KIFC3: variants seen among roughly 807,000 people sequenced by gnomAD.
The protein encoded by KIFC3 is kinesin-like protein KIFC3.
Under a neutral mutation model 101.8 loss-of-function variants are expected in KIFC3, and 60 were observed. The ratio of observed to expected loss-of-function variants is 0.59; its 90% CI spans 0.48 to 0.73. KIFC3 has a LOEUF of 0.73. Among genes scored for constraint, KIFC3 ranks in the 30% least tolerant of loss-of-function variants. KIFC3 has a pLI of 0.00. For synonymous variants in KIFC3, 476 were observed against 482.7 expected, an observed-to-expected ratio of 0.99 and a Z score of 0.18; for missense variants, 966 against 1,137.1, an observed-to-expected ratio of 0.85 and a Z score of 2.16.
intron 1 of KIFC3, among the ~76,000 whole-genome samples, chr16:57,800,650 T>C (rs1339561046): frequency 6.6e-6 from 1 of 152,058 alleles, no homozygotes; most frequent in Non-Finnish European, 1.5e-5. Flanking sequence ...GTTTCTGCGG[T>C]TATCAGGAAG....
intron 17 of KIFC3, 146 bp from the exon 18 acceptor site, chr16:57,759,982 A>C (rs1226450612): frequency 1.6e-6 from 1 of 635,452 alleles, no homozygotes; most frequent in Non-Finnish European, 2.7e-6. Flanking sequence ...CCCCAGCCTC[A>C]GTTATGGCAA....
intron 1 of KIFC3, among the ~76,000 whole-genome samples, chr16:57,853,566 A>G (rs1222180776): frequency 2.0e-5 from 3 of 152,230 alleles, no homozygotes; most frequent in Non-Finnish European, 4.4e-5. Context: ...TAATCACATT[A>G]AGTGTAAATA....
Position 57,770,623 on chromosome 16 carries a change from G to T in KIFC3, c.843C>A (p.His281Gln). 1 of 1,550,068 alleles carries T rather than the reference G, an allele frequency of 6.5e-7. No individual in the cohort carries two copies. The highest frequency in any genetic ancestry group is 1.2e-5 in the South Asian group (1 of 83,158). The change falls in exon 7 of 20, where the codon CAC becomes CAA. Residue 281 changes from histidine (H) to glutamine (Q), a missense_variant. By Grantham distance (24) the His-to-Gln change is conservative. Around this residue, in one of 2 missense-constraint regions of KIFC3, gnomAD observed 689 missense variants for 884.6 expected, o/e 0.78. Transcript: ENST00000445690. Reference sequence around the variant, plus strand: ...TCTGCATAGCCACCTGCTCCTGCAGGTGCTGGTTCCGGGCCTGGGACTCGC... The same window carrying T: ...TCTGCATAGCCACCTGCTCCTGCAGTTGCTGGTTCCGGGCCTGGGACTCGC... ...ALSESQARNQHLQEQVAMQRQ... is the reference protein window; with the variant it reads ...ALSESQARNQQLQEQVAMQRQ...
chr16:57,844,833 G>C (rs1225589514), intron 1 of KIFC3, among the ~76,000 whole-genome samples: 1 of 152,170 alleles, frequency 6.6e-6, no homozygotes. Flanking sequence ...TTCCTAGACA[G>C]ACCCTGCAGC....
chr16:57,762,001 C>A, intron 13 of KIFC3, 139 bp downstream of exon 13: 3 of 1,101,176 alleles, frequency 2.7e-6, no homozygotes, highest in Non-Finnish European at 3.8e-6. Flanking sequence ...TCCAGCACCA[C>A]CCCTGAGGAT....
At chr16:57,808,387 G>C (rs1555627316) in intron 1 of KIFC3, among the ~76,000 whole-genome samples, 3 of 151,846 alleles carry the variant, frequency 2.0e-5, no homozygotes, top group East Asian at 3.9e-4. Flanking sequence ...GCTCCTCCTT[G>C]CTAAGTGTTC....
At chr16:57,840,800 G>T (rs1362000136) in intron 1 of KIFC3, among the ~76,000 whole-genome samples, 1 of 151,728 alleles carries the variant, frequency 6.6e-6, no homozygotes, top group Non-Finnish European at 1.5e-5. Context: ...CCTAGCACAG[G>T]TTCTCTCCCT....
At position 57,760,116 on chromosome 16, in the gene KIFC3, A is replaced by G. The variant is rs1163061339; in HGVS notation, c.2367+166T>C. 4.8e-6 allele frequency: 4 copies of G among 830,048 alleles called. No homozygotes were observed. In the East Asian group the frequency reaches 9.9e-5, roughly 21 times the overall value. 51.4% of individuals were successfully genotyped at this position (830,048 alleles called of 1,614,324 possible). A position where few individuals can be genotyped will look rare whatever the true frequency, so the allele number is the denominator to read the frequency against. ...TCCGAGGCCAAGAAGAAATACCTGTACTGAAGAGGCTGCTGGCTGTGGGTT... is the reference window on the plus strand; with the variant it reads ...TCCGAGGCCAAGAAGAAATACCTGTGCTGAAGAGGCTGCTGGCTGTGGGTT... On this transcript the variant is annotated intron_variant, in intron 17 of 19. Coordinates refer to ENST00000445690, the MANE Select transcript of KIFC3 (RefSeq NM_001130100.2).
chr16:57,760,409 G>T lies in KIFC3; in HGVS notation c.2240C>A (p.Pro747His). 1 of 1,613,654 alleles carries T rather than the reference G, an allele frequency of 6.2e-7. No individual in the cohort carries two copies. Reference sequence around the variant, plus strand: ...CGTCTCGCTAGTGTTCTTCTCCACGGGGGACACCTAGGGGACACGAGAGCT... The same window carrying T: ...CGTCTCGCTAGTGTTCTTCTCCACGTGGGACACCTAGGGGACACGAGAGCT... ...SKTLMVVQVS[P>H]VEKNTSETLY... Residue 747 changes from proline (P) to histidine (H), a missense_variant, in exon 17 of 20, where the codon CCC becomes CAC. Pro to His is a moderately conservative substitution (Grantham distance 77). Around this residue, in one of 2 missense-constraint regions of KIFC3, gnomAD observed 689 missense variants for 884.6 expected, o/e 0.78. Coordinates refer to ENST00000445690, the MANE Select transcript of KIFC3 (RefSeq NM_001130100.2).
chr16:57,773,656 T>A (rs563853866), intron 3 of KIFC3, among the ~76,000 whole-genome samples: 1 of 152,048 alleles, frequency 6.6e-6, no homozygotes, highest in African/African-American at 2.4e-5. Context: ...CTAAAAAAAA[T>A]AAAATAAAAA....
intron 1 of KIFC3, among the ~76,000 whole-genome samples, chr16:57,850,762 C>T (rs1262896238): frequency 4.6e-5 from 7 of 152,106 alleles, no homozygotes; most frequent in Admixed American, 1.3e-4. Flanking sequence ...AGGAGTGAGC[C>T]GCTGTGCCCA....
intron 1 of KIFC3, among the ~76,000 whole-genome samples, chr16:57,821,571 A>G (rs2055350645): frequency 6.6e-6 from 1 of 152,154 alleles, no homozygotes; most frequent in Admixed American, 6.6e-5. Flanking sequence ...TTTGCTGGCA[A>G]TCTTTCCTAA....
At chr16:57,773,187 C>T (rs1392945361) in intron 3 of KIFC3, among the ~76,000 whole-genome samples, 1 of 152,222 alleles carries the variant, frequency 6.6e-6, no homozygotes, top group Non-Finnish European at 1.5e-5. Flanking sequence ...TGGTGAGCAA[C>T]CCCCACCTCG....
At chr16:57,787,024 G>A (rs545329550) in intron 3 of KIFC3, among the ~76,000 whole-genome samples, 18 of 152,348 alleles carry the variant, frequency 1.2e-4, no homozygotes, top group African/African-American at 4.3e-4. Flanking sequence ...TGGCTGTGTG[G>A]CCTGCACGTG....
intron 1 of KIFC3, among the ~76,000 whole-genome samples, chr16:57,823,754 G>A (rs534833483): frequency 1.5e-3 from 135 of 87,376 alleles, no homozygotes; most frequent in African/African-American, 4.1e-3. Flanking sequence ...CACCACACCC[G>A]GCTACTTTGT....
At chr16:57,857,822 C>CTTTTTT (rs57102595) in intron 1 of KIFC3, among the ~76,000 whole-genome samples, 2 of 92,782 alleles carry the variant, frequency 2.2e-5, no homozygotes, top group African/African-American at 5.5e-5. Context: ...TTCTTTCTTT[C>CTTTTTT]TTTTTTTTTT....
intron 1 of KIFC3, among the ~76,000 whole-genome samples, chr16:57,855,303 T>C (rs1371263354): frequency 1.3e-5 from 2 of 151,910 alleles, no homozygotes. Flanking sequence ...TTTTGTATTT[T>C]TAATAGAAAT....
At chr16:57,816,222 G>A in intron 1 of KIFC3, 2 of 1,288,160 alleles carry the variant, frequency 1.6e-6, no homozygotes, top group Non-Finnish European at 2.0e-6. Context: ...ATTCACAGGT[G>A]AGAAAACCGA....
intron 3 of KIFC3, among the ~76,000 whole-genome samples, chr16:57,772,623 C>T (rs929976415): frequency 6.6e-6 from 1 of 152,104 alleles, no homozygotes; most frequent in African/African-American, 2.4e-5. Flanking sequence ...CCTCACTACA[C>T]GAGCCCCTCC....
Sources: allele counts gnomAD v4.1 joint callset (sites outside exome capture counted in the v4.1 genomes callset), GRCh38; gene constraint gnomAD v4.1.1; regional missense constraint gnomAD v4.1.1; transcripts MANE v1.5; gene names NCBI Gene and HGNC (gene_info 2026-07-23, HGNC 2026-07-21).